Variants in NRG3 observed in about 807,000 individuals in gnomAD.
The protein encoded by NRG3 is pro-neuregulin-3, membrane-bound isoform.
Under a neutral mutation model 66.9 loss-of-function variants are expected in NRG3, and 31 were observed. The observed-to-expected ratio is 0.46, with a 90% confidence interval of 0.35 to 0.63. The LOEUF (loss-of-function observed/expected upper bound fraction) is 0.63, where lower values mean the gene tolerates loss of function less well. NRG3 is among the 20% of genes least tolerant of loss of function. The probability of loss-of-function intolerance (pLI) is 0.00; values close to 1 mark genes in which losing one functional copy is unlikely to be tolerated. For synonymous variants in NRG3, 393 were observed against 359.4 expected (o/e 1.09, Z -1.06); for missense variants, 910 against 878.9 (o/e 1.04, Z -0.45).
intron 1 of NRG3, among the ~76,000 whole-genome samples, chr10:82,014,146 T>G (rs1196425611): frequency 6.6e-6 from 1 of 152,140 alleles, no homozygotes; most frequent in African/African-American, 2.4e-5. Context: ...TCTTGAGGAA[T>G]TTAGAAAGGG....
At chr10:82,978,439 G>A (rs1176450965) in intron 7 of NRG3, among the ~76,000 whole-genome samples, 2 of 152,154 alleles carry the variant, frequency 1.3e-5, no homozygotes, top group African/African-American at 4.8e-5. Flanking sequence ...CGTGAACAGG[G>A]AATTTAACAC....
intron 2 of NRG3, among the ~76,000 whole-genome samples, chr10:82,460,257 C>T (rs1044774005): frequency 2.6e-5 from 4 of 152,132 alleles, no homozygotes; most frequent in Admixed American, 6.6e-5. Context: ...AAGGGTTGTG[C>T]GGCTAAGGCT....
intron 3 of NRG3, among the ~76,000 whole-genome samples, chr10:82,759,343 C>T (rs929759389): frequency 1.3e-5 from 2 of 151,962 alleles, no homozygotes; most frequent in African/African-American, 4.8e-5. Flanking sequence ...GAATTGTTAG[C>T]CAAATAAACC....
intron 1 of NRG3, among the ~76,000 whole-genome samples, chr10:81,965,758 A>C (rs1469407376): frequency 6.6e-6 from 1 of 152,112 alleles, no homozygotes; most frequent in African/African-American, 2.4e-5. Flanking sequence ...GAATCTGTAT[A>C]TTTTGATGAT....
intron 1 of NRG3, among the ~76,000 whole-genome samples, chr10:81,885,884 A>G (rs893092444): frequency 1.3e-5 from 2 of 152,166 alleles, no homozygotes; most frequent in African/African-American, 2.4e-5. Context: ...GGAAAAATCT[A>G]GAGACACCAG....
chr10:82,510,725 G>A (rs997177883), intron 2 of NRG3, among the ~76,000 whole-genome samples: 2 of 152,164 alleles, frequency 1.3e-5, no homozygotes, highest in African/African-American at 4.8e-5. Context: ...CCGTATCCTT[G>A]ATCCTTTCTT....
intron 2 of NRG3, among the ~76,000 whole-genome samples, chr10:82,589,001 A>G (rs185513757): frequency 6.6e-6 from 1 of 152,156 alleles, no homozygotes; most frequent in East Asian, 1.9e-4. Flanking sequence ...TTAAGCTTAT[A>G]TTTGGTTCTA....
At chr10:82,073,406 A>G (rs2064915829) in intron 1 of NRG3, among the ~76,000 whole-genome samples, 1 of 152,176 alleles carries the variant, frequency 6.6e-6, no homozygotes, top group South Asian at 2.1e-4. Context: ...AACATCTGTC[A>G]CAAATTCTGT....
At chr10:81,910,341 C>T (rs879326626) in intron 1 of NRG3, among the ~76,000 whole-genome samples, 1 of 152,142 alleles carries the variant, frequency 6.6e-6, no homozygotes, top group Non-Finnish European at 1.5e-5. Context: ...CCCCCAAATC[C>T]CTTTGACGGT....
rs903526652 is a variant in NRG3, at chr10:82,985,675, A to T, written c.*70A>T. 4.4e-5 allele frequency: 64 copies of T among 1,467,066 alleles called. No homozygotes were observed. The highest frequency in any genetic ancestry group is 5.8e-5 in the Non-Finnish European group (63 of 1,092,952). 90.9% of individuals were successfully genotyped at this position (1,467,066 alleles called of 1,614,324 possible). On this transcript the variant is annotated 3_prime_UTR_variant, in exon 9 of 9. Transcript: ENST00000372141. The stretch of plus-strand genomic sequence containing the variant: ...AAAGAGAGGAAATCAAATACAAATT[A>T]TTTATATGCATTAATTTAAGAGCAT...
intron 1 of NRG3, among the ~76,000 whole-genome samples, chr10:82,301,601 A>G (rs962268166): frequency 2.7e-4 from 40 of 150,780 alleles, no homozygotes; most frequent in Non-Finnish European, 5.5e-4. Context: ...CACTACAATT[A>G]TTTTTATCAC....
rs150368711 is a variant in NRG3 at position 82,842,488 on chromosome 10, A to G, written c.1028-22923A>G. 2.3e-3 allele frequency among the ~76,000 whole-genome samples: 346 copies of G among 152,270 alleles called. 4 individuals are homozygous for G. The highest frequency in any genetic ancestry group is 8.0e-3 in the African/African-American group (333 of 41,552). Reference sequence around the variant, plus strand: ...AGAAACTTGGCTCTGCTTACCTGCAAGGGCATCTGGTAAATATAGTCTTCC... The same window carrying G: ...AGAAACTTGGCTCTGCTTACCTGCAGGGGCATCTGGTAAATATAGTCTTCC... On this transcript the variant is annotated intron_variant, in intron 3 of 8. Transcript: ENST00000372141.
In NRG3 at chr10:81,943,899, G is replaced by A. The variant is rs1848607185; in HGVS notation, c.823+67736G>A. On this transcript the variant is annotated intron_variant, in intron 1 of 8. Transcript: ENST00000372141. ...GTGGGGGGTGCTCTGAGGAAGCATG[G>A]GAACTACAGATGACTTACCACATTG... Among the ~76,000 whole-genome samples, 3 of 152,140 alleles carry A rather than the reference G, an allele frequency of 2.0e-5. No homozygotes were observed. In the South Asian group the frequency reaches 6.2e-4, roughly 32 times the overall value.
intron 1 of NRG3, among the ~76,000 whole-genome samples, chr10:82,069,406 C>T (rs562446156): frequency 2.4e-4 from 36 of 152,312 alleles, no homozygotes; most frequent in African/African-American, 8.7e-4. Flanking sequence ...CTCATCTCTT[C>T]TTACAATGGG....
chr10:82,279,890 C>T (rs2079043813), intron 1 of NRG3, among the ~76,000 whole-genome samples: 1 of 152,190 alleles, frequency 6.6e-6, no homozygotes, highest in Non-Finnish European at 1.5e-5. Flanking sequence ...TGGCCTTTCT[C>T]TGGAAGAGTT....
At chr10:82,467,222 A>G (rs980252895) in intron 2 of NRG3, among the ~76,000 whole-genome samples, 4 of 152,234 alleles carry the variant, frequency 2.6e-5, no homozygotes, top group African/African-American at 9.6e-5. Context: ...CTCACTAAAT[A>G]TTAGCTACTC....
intron 1 of NRG3, among the ~76,000 whole-genome samples, chr10:82,287,585 C>T (rs999168652): frequency 6.6e-6 from 1 of 151,922 alleles, no homozygotes; most frequent in Non-Finnish European, 1.5e-5. Context: ...TGGGCAGCAT[C>T]TTGGAAGAGG....
At chr10:81,967,689 G>A (rs898002393) in intron 1 of NRG3, among the ~76,000 whole-genome samples, 4 of 152,038 alleles carry the variant, frequency 2.6e-5, no homozygotes, top group African/African-American at 9.7e-5. Flanking sequence ...GTGTTTGGAA[G>A]CTAAATTTTT....
At position 82,721,201 on chromosome 10, in the gene NRG3, C is replaced by T. The variant is rs183010088; in HGVS notation, c.954-17376C>T. 3.9e-3 allele frequency among the ~76,000 whole-genome samples: 545 copies of T among 138,090 alleles called. 6 individuals are homozygous for T. Among genetic ancestry groups the T allele is most frequent in the African/African-American group, 0.014 (494 of 35,946 alleles). 90.6% of individuals were successfully genotyped at this position (138,090 alleles called of 152,430 possible). On this transcript the variant is annotated intron_variant, in intron 2 of 8. Coordinates refer to ENST00000372141, the MANE Select transcript of NRG3 (RefSeq NM_001010848.4). ...GGCTGGAGTGCAGTAGCGTGATCTCCGCTCACTGCAAGCTCCACCTCCCAG... is the reference window on the plus strand; with the variant it reads ...GGCTGGAGTGCAGTAGCGTGATCTCTGCTCACTGCAAGCTCCACCTCCCAG...
Sources: allele counts gnomAD v4.1 joint callset (sites outside exome capture counted in the v4.1 genomes callset), GRCh38; gene constraint gnomAD v4.1.1; transcripts MANE v1.5; gene names NCBI Gene and HGNC (gene_info 2026-07-23, HGNC 2026-07-21).